NLGN4X: variants seen among roughly 807,000 people sequenced by gnomAD.
NLGN4X encodes the protein neuroligin-4, X-linked.
NLGN4X carries 3 observed loss-of-function variants against 40.3 expected under a neutral mutation model. The observed-to-expected ratio is 0.07, with a 90% CI of 0.03 to 0.19. NLGN4X has a LOEUF of 0.19. Among genes scored for constraint, NLGN4X ranks in the 10% least tolerant of loss-of-function variants. NLGN4X has a pLI of 1.00. For synonymous variants in NLGN4X, 270 were observed against 306.8 expected (o/e 0.88, Z 1.25); for missense variants, 382 against 708.3 (o/e 0.54, Z 5.23).
chrX:6,223,406 T>C (rs192799252), intron 1 of NLGN4X, among the ~76,000 whole-genome samples: 176 of 112,051 alleles, frequency 1.6e-3, no homozygotes, highest in African/African-American at 5.4e-3. Context: ...ATGAGGCTTT[T>C]ATTTACTTAT....
At chrX:6,224,092 A>G (rs1311269434) in intron 1 of NLGN4X, among the ~76,000 whole-genome samples, 1 of 112,588 alleles carries the variant, frequency 8.9e-6, no homozygotes, top group Non-Finnish European at 1.9e-5. Context: ...CCTTATTTGG[A>G]ATATAAGTAT....
At chrX:6,216,252 G>C (rs2023805154) in intron 1 of NLGN4X, among the ~76,000 whole-genome samples, 1 of 112,028 alleles carries the variant, frequency 8.9e-6, no homozygotes, top group Non-Finnish European at 1.9e-5. Flanking sequence ...GGGAGAGGAA[G>C]TAAGGAGGAA....
At chrX:6,099,951 G>GAAAACAAC (rs1289814834) in intron 2 of NLGN4X, among the ~76,000 whole-genome samples, 1 of 112,000 alleles carries the variant, frequency 8.9e-6, no homozygotes, top group Non-Finnish European at 1.9e-5. Context: ...GTGTGGAGTG[G>GAAAACAAC]GAAATCAGGG....
At chrX:6,175,005 T>G (rs770974770) in intron 1 of NLGN4X, among the ~76,000 whole-genome samples, 2 of 111,938 alleles carry the variant, frequency 1.8e-5, no homozygotes, top group Non-Finnish European at 3.8e-5. Context: ...AAGGCTCCTG[T>G]GTTACACAAA....
intron 3 of NLGN4X, among the ~76,000 whole-genome samples, chrX:5,985,431 AT>A (rs898371109): frequency 1.8e-5 from 2 of 108,807 alleles, no homozygotes; most frequent in African/African-American, 3.4e-5. Context: ...TGGCTAATTT[AT>A]TTTTTTTATT....
Position 6,151,535 on chromosome X carries a change from C to T in NLGN4X, c.-69G>A, listed in dbSNP as rs760856039. ...GCTCCAAGGAGACAAAGCCCAGAGG[C>T]GAGCCTGCAGAGAGATAGGGCTTTC... On this transcript the variant is annotated 5_prime_UTR_variant, in exon 2 of 6. Coordinates refer to ENST00000381095, the MANE Select transcript of NLGN4X (RefSeq NM_181332.3). 99 of 964,801 alleles carry T rather than the reference C, an allele frequency of 1.0e-4. No individual in the cohort carries two copies. The South Asian group carries it at 1.3e-3, about 13-fold the overall frequency. The allele number at this position is 964,801 out of a possible 1,213,427, so 79.5% of individuals were successfully genotyped here. A position where few individuals can be genotyped will look rare whatever the true frequency, so the allele number is the denominator to read the frequency against.
chrX:6,112,824 A>T (rs989284204), intron 2 of NLGN4X, among the ~76,000 whole-genome samples: 2 of 110,360 alleles, frequency 1.8e-5, no homozygotes, highest in Non-Finnish European at 3.8e-5. Context: ...TGTGTGCAGG[A>T]GGACGAACGT....
intron 3 of NLGN4X, among the ~76,000 whole-genome samples, chrX:5,960,259 CA>C (rs35197486): frequency 1.0e-3 from 93 of 91,876 alleles, no homozygotes; most frequent in African/African-American, 2.7e-3. Context: ...GCCAATTTTG[CA>C]AAAAAAAAAA....
intron 1 of NLGN4X, among the ~76,000 whole-genome samples, chrX:6,221,657 T>C (rs1190490391): frequency 9.1e-6 from 1 of 109,638 alleles, no homozygotes; most frequent in African/African-American, 3.3e-5. Context: ...TTTTGTGAGT[T>C]TCCCCACCTA....
chrX:6,075,095 C>T (rs1445370450), intron 2 of NLGN4X, among the ~76,000 whole-genome samples: 2 of 111,571 alleles, frequency 1.8e-5, no homozygotes, highest in Non-Finnish European at 3.8e-5. Flanking sequence ...GCATGCCAGG[C>T]ATTGTACTTG....
intron 1 of NLGN4X, among the ~76,000 whole-genome samples, chrX:6,185,237 A>G (rs1479166729): frequency 3.6e-5 from 4 of 112,073 alleles, no homozygotes; most frequent in Non-Finnish European, 7.5e-5. Context: ...CACAATTCAC[A>G]TGGATCATGT....
At chrX:5,901,877 C>A (rs1175786954) in intron 5 of NLGN4X, among the ~76,000 whole-genome samples, 1 of 104,543 alleles carries the variant, frequency 9.6e-6, no homozygotes, top group Non-Finnish European at 1.9e-5. Flanking sequence ...TATATATATA[C>A]AAATACAAAT....
intron 3 of NLGN4X, among the ~76,000 whole-genome samples, chrX:5,962,537 T>C (rs769174234): frequency 1.8e-5 from 2 of 112,601 alleles, no homozygotes; most frequent in South Asian, 7.3e-4. Context: ...ACACCAAAAA[T>C]GCACTTGCTA....
chrX:6,042,990 C>T (rs142830715), intron 2 of NLGN4X, among the ~76,000 whole-genome samples: 1,171 of 106,345 alleles, frequency 0.011, 15 homozygotes, highest in African/African-American at 0.036. Context: ...GCACAAGAAT[C>T]ACTAGAATCC....
intron 3 of NLGN4X, among the ~76,000 whole-genome samples, chrX:6,004,886 A>G (rs2036063689): frequency 8.9e-6 from 1 of 111,980 alleles, no homozygotes; most frequent in Admixed American, 9.5e-5. Flanking sequence ...AATTGACAGA[A>G]TGTTGCTGTT....
At chrX:6,080,633 G>C (rs2038324013) in intron 2 of NLGN4X, among the ~76,000 whole-genome samples, 4 of 111,422 alleles carry the variant, frequency 3.6e-5, no homozygotes, top group Non-Finnish European at 7.5e-5. Flanking sequence ...TCCTAAAAAG[G>C]GTTGTGGTTC....
rs987742964 is a variant in NLGN4X, at chrX:5,910,873, T to C, written c.626-1634A>G. ...CTTAAGACACATCCTACCAATGTGATCTTCTTTAAAGTTCAGAGGGATGTG... is the reference window on the plus strand; with the variant it reads ...CTTAAGACACATCCTACCAATGTGACCTTCTTTAAAGTTCAGAGGGATGTG... On this transcript the variant is annotated intron_variant, in intron 3 of 5. Coordinates refer to ENST00000381095, the MANE Select transcript of NLGN4X (RefSeq NM_181332.3). Among the ~76,000 whole-genome samples the C allele has an allele frequency of 2.7e-5, 3 of 111,881 alleles. No individual in the cohort carries two copies. In the South Asian group the frequency reaches 1.1e-3, roughly 42 times the overall value.
At chrX:6,170,572 A>G (rs2040584940) in intron 1 of NLGN4X, among the ~76,000 whole-genome samples, 1 of 111,997 alleles carries the variant, frequency 8.9e-6, no homozygotes, top group South Asian at 3.8e-4. Context: ...AAAGGCATGC[A>G]TGAAGTTTTA....
chrX:6,040,460 A>G (rs2037126368), intron 2 of NLGN4X, among the ~76,000 whole-genome samples: 1 of 42,201 alleles, frequency 2.4e-5, no homozygotes, highest in Non-Finnish European at 4.4e-5. Flanking sequence ...TATTTTCTCT[A>G]TAATTTCTGC....
Sources: gnomAD v4.1 joint callset for allele counts (sites outside exome capture counted in the v4.1 genomes callset) on GRCh38, gnomAD v4.1.1 for gene constraint, MANE v1.5 for transcripts, NCBI Gene and HGNC (gene_info 2026-07-23, HGNC 2026-07-21) for gene names.